The following PARD3B variants were observed in gnomAD, a reference collection of about 807,000 sequenced individuals.
The protein encoded by PARD3B is partitioning defective 3 homolog B.
In PARD3B, 103 loss-of-function variants were observed where a neutral mutation model predicts 130.2. The observed-to-expected ratio is 0.79, with a 90% CI of 0.67 to 0.93. The LOEUF (loss-of-function observed/expected upper bound fraction) is 0.93, where lower values mean the gene tolerates loss of function less well. Ranked by LOEUF, PARD3B falls within the 40% of genes least tolerant of loss-of-function variation. PARD3B has a pLI of 0.00. For synonymous variants in PARD3B, 583 were observed against 553.2 expected (o/e 1.05, Z -0.76); for missense variants, 1,609 against 1,499.2 (o/e 1.07, Z -1.21).
At position 205,105,487 on chromosome 2, in the gene PARD3B, A is replaced by G. The variant is rs1703136039; in HGVS notation, c.593+973A>G. Among the ~76,000 whole-genome samples the G allele has an allele frequency of 6.6e-6, 1 of 152,220 alleles. No individual in the cohort carries two copies. Among genetic ancestry groups the G allele is most frequent in the African/African-American group, 2.4e-5 (1 of 41,458 alleles). ...TTGACGTATTCCTTTCATTTAGTCC[A>G]AACAATTAACATGAAATTAGCTTTT... On this transcript the variant is annotated intron_variant, in intron 5 of 22. Transcript: ENST00000406610. This position sits in a 1 kb window ranked among gnomAD's most constrained non-coding sequence, Gnocchi z 4.0.
Position 205,142,575 on chromosome 2 carries a change from T to C in PARD3B, c.1435-16147T>C, listed in dbSNP as rs566667835. Among the ~76,000 whole-genome samples the C allele has an allele frequency of 6.6e-6, 1 of 152,162 alleles. No individual in the cohort carries two copies. Among genetic ancestry groups the C allele is most frequent in the Non-Finnish European group, 1.5e-5 (1 of 68,004 alleles). On this transcript the variant is annotated intron_variant, in intron 10 of 22. Coordinates refer to ENST00000406610, the MANE Select transcript of PARD3B (RefSeq NM_001302769.2). The surrounding 1 kb of genome is among the most constrained non-coding windows in gnomAD (Gnocchi z 4.3). The stretch of plus-strand genomic sequence containing the variant: ...TGCCCTTGATGAGATCACAGTGGTA[T>C]AGCAGAGTTAAGATAGACAGGCAAC...
rs566819357 is a variant in PARD3B at position 204,943,773 on chromosome 2, TCC to T, written c.223-21377_223-21376del. Among the ~76,000 whole-genome samples the T allele has an allele frequency of 3.9e-5, 6 of 152,140 alleles. No individual in the cohort carries two copies. Among genetic ancestry groups the T allele is most frequent in the Non-Finnish European group, 7.3e-5 (5 of 68,036 alleles). On this transcript the variant is annotated intron_variant, in intron 2 of 22. Coordinates refer to ENST00000406610, the MANE Select transcript of PARD3B (RefSeq NM_001302769.2). This position sits in a 1 kb window ranked among gnomAD's most constrained non-coding sequence, Gnocchi z 4.2. ...GGGAAAGTTCGCCTCTCCATTGCCA[TCC>T]CTACATTGCCTTTCCTATCTGCCAT...
chr2:204,573,201 A>G (rs1047383454), intron 1 of PARD3B, among the ~76,000 whole-genome samples: 6 of 152,214 alleles, frequency 3.9e-5, no homozygotes, highest in Admixed American at 6.5e-5. Context: ...CCAGGTCTCT[A>G]TACTCTGCAG....
At chr2:205,527,805 A>G (rs1470382317) in intron 21 of PARD3B, among the ~76,000 whole-genome samples, 1 of 152,186 alleles carries the variant, frequency 6.6e-6, no homozygotes, top group Non-Finnish European at 1.5e-5. Flanking sequence ...GAAAAGGAGG[A>G]GGATCAAGAC....
rs1440604589 is a variant in PARD3B at position 204,887,695 on chromosome 2, T to C, written c.223-77457T>C. ...GCCATTTCATACCCTTTGGGTATTT[T>C]AGCAATTTGAAATCACATCCCTTCC... On this transcript the variant is annotated intron_variant, in intron 2 of 22. Coordinates refer to ENST00000406610, the MANE Select transcript of PARD3B (RefSeq NM_001302769.2). The surrounding 1 kb of genome is among the most constrained non-coding windows in gnomAD (Gnocchi z 4.2). Among the ~76,000 whole-genome samples, 1 of 152,152 alleles carries C rather than the reference T, an allele frequency of 6.6e-6. No individual in the cohort carries two copies. The highest frequency in any genetic ancestry group is 1.5e-5 in the Non-Finnish European group (1 of 68,032).
In PARD3B at chr2:204,670,369, A is replaced by T. The variant is rs190371065; in HGVS notation, c.121-15812A>T. Among the ~76,000 whole-genome samples, 189 of 152,312 alleles carry T rather than the reference A, an allele frequency of 1.2e-3. 1 individual carries two copies. The highest frequency in any genetic ancestry group is 4.4e-3 in the African/African-American group (184 of 41,562). On this transcript the variant is annotated intron_variant, in intron 1 of 22. Transcript: ENST00000406610. ...AGTTTGCCAATTCGTTTATAGGGTC[A>T]AATAGTGCTAAAAGGCCCATGACAA...
intron 18 of PARD3B, among the ~76,000 whole-genome samples, chr2:205,374,447 C>G (rs1318058828): frequency 6.6e-6 from 1 of 152,206 alleles, no homozygotes; most frequent in Non-Finnish European, 1.5e-5. Flanking sequence ...GTTGGCCAGG[C>G]TGGTCTTGAA....
chr2:205,501,636 A>G (rs2050162712), intron 21 of PARD3B, among the ~76,000 whole-genome samples: 1 of 152,194 alleles, frequency 6.6e-6, no homozygotes, highest in South Asian at 2.1e-4. Flanking sequence ...AAAGTGCTCT[A>G]TCTCAAAACC....
At chr2:205,426,414 T>C (rs1484379913) in intron 19 of PARD3B, among the ~76,000 whole-genome samples, 17 of 152,200 alleles carry the variant, frequency 1.1e-4, no homozygotes, top group Admixed American at 9.8e-4. Context: ...GTAGCTTCTA[T>C]TACAAAAGCA....
chr2:204,617,389 A>G (rs552949862), intron 1 of PARD3B, among the ~76,000 whole-genome samples: 10 of 152,278 alleles, frequency 6.6e-5, no homozygotes, highest in African/African-American at 2.2e-4. Flanking sequence ...TTGAAATGCC[A>G]TCTTTTTTCT....
intron 20 of PARD3B, among the ~76,000 whole-genome samples, chr2:205,485,671 G>A (rs550952062): frequency 2.1e-4 from 32 of 152,268 alleles, no homozygotes; most frequent in Non-Finnish European, 4.1e-4. Context: ...CCTTTAGAAA[G>A]ATTGGTGGAT....
At chr2:205,016,273 G>A (rs1696141781) in intron 3 of PARD3B, among the ~76,000 whole-genome samples, 1 of 152,206 alleles carries the variant, frequency 6.6e-6, no homozygotes, top group African/African-American at 2.4e-5. Context: ...AGAATGAAAT[G>A]TAAACCCTTC....
intron 15 of PARD3B, among the ~76,000 whole-genome samples, chr2:205,211,403 G>A (rs151094235): frequency 1.0e-3 from 159 of 152,172 alleles, no homozygotes; most frequent in Non-Finnish European, 1.7e-3. Flanking sequence ...CACTGTCTAT[G>A]CCAGGTAATG....
At chr2:205,576,988 T>G (rs1400895743) in intron 22 of PARD3B, among the ~76,000 whole-genome samples, 2 of 152,216 alleles carry the variant, frequency 1.3e-5, no homozygotes, top group African/African-American at 4.8e-5. Context: ...TTTCGTAATT[T>G]TCCTTAGATG....
chr2:205,381,122 A>G (rs1169353145), intron 18 of PARD3B, among the ~76,000 whole-genome samples: 4 of 96,946 alleles, frequency 4.1e-5, no homozygotes, highest in Non-Finnish European at 5.9e-5. Flanking sequence ...TATATTATAT[A>G]TATTATATAT....
intron 2 of PARD3B, among the ~76,000 whole-genome samples, chr2:204,832,582 C>G (rs1024344618): frequency 3.3e-5 from 5 of 152,006 alleles, no homozygotes; most frequent in Admixed American, 3.3e-4. Context: ...AACAGCTGTG[C>G]AGAAGGAGGT....
chr2:204,855,394 T>G (rs1369738537), intron 2 of PARD3B, among the ~76,000 whole-genome samples: 1 of 151,352 alleles, frequency 6.6e-6, no homozygotes, highest in Non-Finnish European at 1.5e-5. Flanking sequence ...ATACAAAAAT[T>G]AGCTGGGTGT....
At chr2:205,383,729 A>T (rs936712054) in intron 18 of PARD3B, among the ~76,000 whole-genome samples, 1 of 150,774 alleles carries the variant, frequency 6.6e-6, no homozygotes, top group Non-Finnish European at 1.5e-5. Flanking sequence ...TTTCCCCCTC[A>T]CCCCTCAAAT....
chr2:204,965,246 C>A lies in PARD3B; in HGVS notation c.317C>A (p.Thr106Lys). 6.2e-7 allele frequency: 1 copy of A among 1,613,908 alleles called. No individual in the cohort carries two copies. The highest frequency in any genetic ancestry group is 8.5e-7 in the Non-Finnish European group (1 of 1,179,900). The change falls in exon 3 of 23, where the codon ACA (threonine) becomes AAA (lysine). Residue 106 changes from threonine (T) to lysine (K), a missense_variant. Thr to Lys is a moderately conservative substitution (Grantham distance 78). Coordinates refer to ENST00000406610, the MANE Select transcript of PARD3B (RefSeq NM_001302769.2). ...CGGCAGAGCCCAGATGCTTTTGAGA[C>A]AGAAGTGGCCGCCCAACTGGCCGCA... is the stretch of plus-strand genomic sequence containing the variant. ...ADRQSPDAFE[T>K]EVAAQLAAFK...
Sources: allele counts gnomAD v4.1 joint callset (sites outside exome capture counted in the v4.1 genomes callset), GRCh38; gene constraint gnomAD v4.1.1; non-coding constraint Gnocchi (gnomAD v3.1); transcripts MANE v1.5; gene names NCBI Gene and HGNC (gene_info 2026-07-23, HGNC 2026-07-21).